The following LRRC4C variants were observed in gnomAD, a reference collection of about 807,000 sequenced individuals.
LRRC4C encodes leucine-rich repeat-containing protein 4C.
In LRRC4C, 5 loss-of-function variants were observed where a neutral mutation model predicts 33.6. That is an observed-to-expected ratio of 0.15 (90% CI 0.08 to 0.31). The LOEUF is 0.31. Among genes scored for constraint, LRRC4C ranks in the 10% least tolerant of loss-of-function variants. The pLI, the probability that LRRC4C is intolerant of heterozygous loss-of-function variation, is 1.00. For missense variants in LRRC4C, 560 were observed against 796.7 expected (o/e 0.70, Z 3.58); for synonymous variants, 329 against 302.0 (o/e 1.09, Z -0.93).
intron 5 of LRRC4C, among the ~76,000 whole-genome samples, chr11:40,187,237 T>A (rs1033279448): frequency 2.6e-5 from 4 of 151,920 alleles, no homozygotes; most frequent in Admixed American, 1.3e-4. Flanking sequence ...ACATCTGAAC[T>A]CTTAACACTG....
chr11:40,708,990 T>C (rs1390346472), intron 2 of LRRC4C, among the ~76,000 whole-genome samples: 1 of 152,184 alleles, frequency 6.6e-6, no homozygotes, highest in African/African-American at 2.4e-5. Context: ...TCTTTCAATC[T>C]TTAAAGTCTG....
At chr11:40,724,716 T>C (rs1272394246) in intron 2 of LRRC4C, among the ~76,000 whole-genome samples, 1 of 131,130 alleles carries the variant, frequency 7.6e-6, no homozygotes, top group African/African-American at 2.9e-5. Context: ...AAACAAAAAC[T>C]AACAAGAAGT....
At chr11:40,356,715 G>C (rs1947687678) in intron 3 of LRRC4C, among the ~76,000 whole-genome samples, 1 of 152,070 alleles carries the variant, frequency 6.6e-6, no homozygotes, top group South Asian at 2.1e-4. Flanking sequence ...CTTGGTACTG[G>C]GGATTTTTCT....
intron 1 of LRRC4C, among the ~76,000 whole-genome samples, chr11:40,990,244 T>A: frequency 7.9e-6 from 1 of 126,802 alleles, no homozygotes; most frequent in African/African-American, 3.2e-5. Flanking sequence ...TATATATATA[T>A]ATATATATAT....
intron 5 of LRRC4C, among the ~76,000 whole-genome samples, chr11:40,194,934 A>AC (rs397727244): frequency 6.6e-5 from 10 of 150,514 alleles, no homozygotes; most frequent in Non-Finnish European, 1.0e-4. Flanking sequence ...TTAAAAAAAA[A>AC]CAAACAATTA....
intron 3 of LRRC4C, among the ~76,000 whole-genome samples, chr11:40,340,554 AAAGT>A (rs1474430552): frequency 6.6e-6 from 1 of 152,182 alleles, no homozygotes; most frequent in Non-Finnish European, 1.5e-5. Context: ...AAATGTGATA[AAAGT>A]AATAATAACC....
chr11:40,487,897 T>G (rs1349903617), intron 3 of LRRC4C, among the ~76,000 whole-genome samples: 1 of 152,120 alleles, frequency 6.6e-6, no homozygotes, highest in Non-Finnish European at 1.5e-5. Flanking sequence ...CTTCTCTTAG[T>G]GCTTTGCATT....
intron 3 of LRRC4C, among the ~76,000 whole-genome samples, chr11:40,587,599 A>G (rs1204117027): frequency 6.8e-6 from 1 of 147,616 alleles, no homozygotes; most frequent in Non-Finnish European, 1.5e-5. Context: ...TCAGTATGAT[A>G]TTGGCTGTGG....
At chr11:40,315,877 T>A (rs1036299924) in intron 4 of LRRC4C, among the ~76,000 whole-genome samples, 6 of 152,012 alleles carry the variant, frequency 3.9e-5, no homozygotes, top group Non-Finnish European at 7.4e-5. Flanking sequence ...TTAATTTGGT[T>A]TTAAATTTAA....
intron 1 of LRRC4C, among the ~76,000 whole-genome samples, chr11:40,956,123 C>A (rs1958944265): frequency 6.6e-6 from 1 of 151,702 alleles, no homozygotes; most frequent in African/African-American, 2.4e-5. Flanking sequence ...AGCAATGGAA[C>A]AACGTATATC....
intron 3 of LRRC4C, among the ~76,000 whole-genome samples, chr11:40,485,987 C>T (rs367580697): frequency 6.6e-6 from 1 of 151,670 alleles, no homozygotes; most frequent in Non-Finnish European, 1.5e-5. Context: ...ACACCGAGGC[C>T]TATGGGAAGG....
chr11:41,201,455 C>T (rs1946395521), intron 1 of LRRC4C, among the ~76,000 whole-genome samples: 1 of 152,176 alleles, frequency 6.6e-6, no homozygotes. Flanking sequence ...TCTAATTTCA[C>T]TTCTGTGGGA....
intron 2 of LRRC4C, among the ~76,000 whole-genome samples, chr11:40,878,225 G>A (rs1237481789): frequency 6.6e-6 from 1 of 152,136 alleles, no homozygotes; most frequent in East Asian, 1.9e-4. Context: ...ACCAGATGCA[G>A]CTGTACAATT....
intron 2 of LRRC4C, among the ~76,000 whole-genome samples, chr11:40,876,260 G>A (rs1480642901): frequency 1.1e-5 from 1 of 91,296 alleles, no homozygotes; most frequent in African/African-American, 4.2e-5. Context: ...CTCAGTTAGG[G>A]TTTTTTTTTT....
chr11:40,629,042 C>A lies in LRRC4C; in HGVS notation c.-270+19100G>T, dbSNP rs574089831. On this transcript the variant is annotated intron_variant, in intron 3 of 6. Transcript: ENST00000528697. ...AACAAAAAAACAAAAATTGAAGTTT[C>A]ATCTTAAACATTTGACTAATTCACA... Among the ~76,000 whole-genome samples, 13 of 152,202 alleles carry A rather than the reference C, an allele frequency of 8.5e-5. 1 individual carries two copies. Among genetic ancestry groups the A allele is most frequent in the African/African-American group, 2.6e-4 (11 of 41,562 alleles).
intron 3 of LRRC4C, among the ~76,000 whole-genome samples, chr11:40,511,410 A>C (rs7130083): frequency 0.065 from 9,855 of 152,252 alleles, 842 homozygotes; most frequent in African/African-American, 0.2. Flanking sequence ...GAGATGCAAA[A>C]GATAATTCAT....
intron 1 of LRRC4C, among the ~76,000 whole-genome samples, chr11:41,322,909 C>A (rs1243023836): frequency 6.6e-6 from 1 of 152,142 alleles, no homozygotes; most frequent in Non-Finnish European, 1.5e-5. Flanking sequence ...CATATATACA[C>A]ACATGCACAC....
chr11:40,156,595 C>T (rs553776470), intron 5 of LRRC4C, among the ~76,000 whole-genome samples: 1 of 152,106 alleles, frequency 6.6e-6, no homozygotes, highest in South Asian at 2.1e-4. Context: ...ACCTCTTTTA[C>T]AATGGCTGCA....
At chr11:40,157,699 C>T (rs1233859758) in intron 5 of LRRC4C, among the ~76,000 whole-genome samples, 1 of 152,052 alleles carries the variant, frequency 6.6e-6, no homozygotes, top group Non-Finnish European at 1.5e-5. Flanking sequence ...AAATCAAAAC[C>T]ATAATGCAAA....
Sources: allele counts gnomAD v4.1 joint callset (sites outside exome capture counted in the v4.1 genomes callset), GRCh38; gene constraint gnomAD v4.1.1; transcripts MANE v1.5; gene names NCBI Gene and HGNC (gene_info 2026-07-23, HGNC 2026-07-21).